Variants in CASZ1 observed in about 807,000 individuals in gnomAD.
CASZ1 encodes zinc finger protein castor homolog 1.
CASZ1 carries 28 observed loss-of-function variants against 135.2 expected under a neutral mutation model. The ratio of observed to expected loss-of-function variants is 0.21; its 90% CI spans 0.15 to 0.28. The LOEUF (loss-of-function observed/expected upper bound fraction) is 0.28. CASZ1 is among the 10% of genes least tolerant of loss of function. The pLI is 1.00. For missense variants in CASZ1, 2,161 were observed against 2,453.3 expected, an observed-to-expected ratio of 0.88 and a Z score of 2.52; for synonymous variants, 1,068 against 1,073.4, an observed-to-expected ratio of 0.99 and a Z score of 0.10.
Position 10,794,862 on chromosome 1 carries a change from G to C in CASZ1, c.-234+1702C>G, listed in dbSNP as rs1337346928. ...GCCGGGGACAGACATTCGCCCAAACGCTCCGCAGCGGCCCAGCAACCGCCC... is the reference window on the plus strand; with the variant it reads ...GCCGGGGACAGACATTCGCCCAAACCCTCCGCAGCGGCCCAGCAACCGCCC... On this transcript the variant is annotated intron_variant, in intron 1 of 20. Coordinates refer to ENST00000377022, the MANE Select transcript of CASZ1 (RefSeq NM_001079843.3). This position sits in a 1 kb window ranked among gnomAD's most constrained non-coding sequence, Gnocchi z 5.6. Among the ~76,000 whole-genome samples the C allele has an allele frequency of 1.3e-5, 2 of 151,462 alleles. No homozygotes were observed. The highest frequency in any genetic ancestry group is 3.9e-4 in the East Asian group (2 of 5,166).
intron 4 of CASZ1, among the ~76,000 whole-genome samples, chr1:10,680,600 C>A (rs1225096334): frequency 6.6e-6 from 1 of 152,168 alleles, no homozygotes; most frequent in Non-Finnish European, 1.5e-5. Flanking sequence ...GGTAGGGCAA[C>A]TTTGGGCTGG....
At chr1:10,730,524 C>T (rs997776563) in intron 2 of CASZ1, among the ~76,000 whole-genome samples, 3 of 152,186 alleles carry the variant, frequency 2.0e-5, no homozygotes, top group African/African-American at 7.2e-5. Flanking sequence ...AACCAGCTGC[C>T]TGCTCCAGGG....
At chr1:10,670,303 G>A (rs1371479942) in intron 4 of CASZ1, among the ~76,000 whole-genome samples, 1 of 152,228 alleles carries the variant, frequency 6.6e-6, no homozygotes, top group Non-Finnish European at 1.5e-5. Flanking sequence ...AGCAAAGGCC[G>A]CGAGGCTGGT....
intron 2 of CASZ1, among the ~76,000 whole-genome samples, chr1:10,758,619 A>C (rs1640304669): frequency 6.6e-6 from 1 of 152,100 alleles, no homozygotes; most frequent in African/African-American, 2.4e-5. Flanking sequence ...GGCTTGAGCC[A>C]CCGCACCTGG....
Position 10,642,998 on chromosome 1 carries a change from G to T in CASZ1, c.4023C>A (p.Gly1341=). Residue 1341 remains glycine, a splice_region_variant and synonymous_variant, in exon 20 of 21, where the codon GGC becomes GGA. Transcript: ENST00000377022. ...KNFDRVPPSQ[G]PPGLMDAETD... The stretch of plus-strand genomic sequence containing the variant: ...TCTCAGCATCCATCAGGCCTGGGGG[G>T]CCCTGAAAGGACACGGGGGTCCCTG... 1 of 1,612,104 alleles carries T rather than the reference G, an allele frequency of 6.2e-7. No individual in the cohort carries two copies. The highest frequency in any genetic ancestry group is 8.5e-7 in the Non-Finnish European group (1 of 1,179,336).
intron 4 of CASZ1, among the ~76,000 whole-genome samples, chr1:10,682,032 C>T (rs1347709259): frequency 1.3e-5 from 2 of 152,250 alleles, no homozygotes; most frequent in African/African-American, 4.8e-5. Context: ...GTGCGACTCT[C>T]TCCCTCCACC....
Position 10,660,155 on chromosome 1 carries a change from G to A in CASZ1, c.887C>T (p.Ser296Leu). 16 of 1,614,072 alleles carry A rather than the reference G, an allele frequency of 9.9e-6. No homozygotes were observed. The highest frequency in any genetic ancestry group is 1.7e-5 in the Admixed American group (1 of 60,034). Residue 296 changes from serine to leucine, a missense_variant, in exon 6 of 21, where the codon TCG becomes TTG. This residue lies in a region of CASZ1 where 590 missense variants were observed against 609.8 expected (regional missense o/e 0.97). Coordinates refer to ENST00000377022, the MANE Select transcript of CASZ1 (RefSeq NM_001079843.3). ...GTTCTGCATCTGGACACTGCTGTGC[G>A]ACGGCAGGGGCAGGATGGTGGCCTT... is the stretch of plus-strand genomic sequence containing the variant. The part of the protein sequence containing the change: ...ETKATILPLP[S>L]HSSVQMQNLV...
chr1:10,783,456 A>T (rs1352778669), intron 1 of CASZ1, among the ~76,000 whole-genome samples: 2 of 151,664 alleles, frequency 1.3e-5, no homozygotes, highest in Non-Finnish European at 2.9e-5. Flanking sequence ...GAAGGAAAGG[A>T]TGTGAGGGGG....
rs1006743400 is a variant in CASZ1 at position 10,699,737 on chromosome 1, A to G, written c.-24+5755T>C. Among the ~76,000 whole-genome samples, 5 of 152,174 alleles carry G rather than the reference A, an allele frequency of 3.3e-5. No individual in the cohort carries two copies. The highest frequency in any genetic ancestry group is 9.6e-5 in the African/African-American group (4 of 41,452). On this transcript the variant is annotated intron_variant, in intron 3 of 20. Coordinates refer to ENST00000377022, the MANE Select transcript of CASZ1 (RefSeq NM_001079843.3). This position sits in a 1 kb window ranked among gnomAD's most constrained non-coding sequence, Gnocchi z 4.6. ...GAGAAGGAGGAAAAAACCCCAAACC[A>G]AAATCCAACAGACTGATTCTCTTGT...
intron 2 of CASZ1, among the ~76,000 whole-genome samples, chr1:10,748,835 G>T (rs757215910): frequency 6.6e-6 from 1 of 152,228 alleles, no homozygotes; most frequent in Admixed American, 6.5e-5. Flanking sequence ...CAAGGCCCAC[G>T]TGGCCAGAGC....
chr1:10,648,486 T>G, intron 15 of CASZ1: 2 of 258,612 alleles, frequency 7.7e-6, no homozygotes, highest in Non-Finnish European at 7.4e-6. Context: ...ATTCTCAGTA[T>G]TCACAGCAGG....
intron 4 of CASZ1, among the ~76,000 whole-genome samples, chr1:10,677,607 G>A (rs533008228): frequency 5.6e-4 from 85 of 152,332 alleles, no homozygotes; most frequent in Non-Finnish European, 1.0e-3. Context: ...TTTAGACCTG[G>A]AAAGGGACCG....
chr1:10,748,189 C>G (rs1054438317), intron 2 of CASZ1, among the ~76,000 whole-genome samples: 1 of 152,178 alleles, frequency 6.6e-6, no homozygotes, highest in Non-Finnish European at 1.5e-5. Flanking sequence ...AGGTGATTGC[C>G]AGGCCCGGCC....
At chr1:10,672,743 CAA>C (rs1643447460) in intron 4 of CASZ1, among the ~76,000 whole-genome samples, 2 of 152,152 alleles carry the variant, frequency 1.3e-5, no homozygotes, top group South Asian at 4.1e-4. Flanking sequence ...GCTGGGGAAA[CAA>C]ATCAATGAAA....
chr1:10,640,216 G>A, intron 20 of CASZ1, 157 bp from the exon 21 acceptor site: 3 of 1,045,028 alleles, frequency 2.9e-6, no homozygotes, highest in Non-Finnish European at 4.1e-6. Flanking sequence ...CTCCTGCCCC[G>A]CCCCCTCCCT....
rs1640544264 is a variant in CASZ1, at chr1:10,769,819, A to T, written c.-233-8962T>A. ...GGAGTGAGCCGCCACACCTGGCCAG[A>T]AGTAATATTTAAGGGTGCTATGTGC... On this transcript the variant is annotated intron_variant, in intron 1 of 20. Coordinates refer to ENST00000377022, the MANE Select transcript of CASZ1 (RefSeq NM_001079843.3). Among the ~76,000 whole-genome samples, 2 of 152,120 alleles carry T rather than the reference A, an allele frequency of 1.3e-5. 1 individual carries two copies. Among genetic ancestry groups the T allele is most frequent in the Non-Finnish European group, 2.9e-5 (2 of 68,022 alleles).
chr1:10,647,557 T>G lies in CASZ1; in HGVS notation c.3497+244A>C. ...GCCCTGGCAGGATCACCACATGCCC[T>G]GCAGGAGCAGTAGCCACTGCCGCCA... is the stretch of plus-strand genomic sequence containing the variant. On this transcript the variant is annotated intron_variant, in intron 16 of 20. Transcript: ENST00000377022. This position sits in a 1 kb window ranked among gnomAD's most constrained non-coding sequence, Gnocchi z 4.9. 1 of 1,397,524 alleles carries G rather than the reference T, an allele frequency of 7.2e-7. No individual in the cohort carries two copies. Among genetic ancestry groups the G allele is most frequent in the Non-Finnish European group, 9.3e-7 (1 of 1,075,536 alleles). 86.6% of individuals were successfully genotyped at this position (1,397,524 alleles called of 1,614,324 possible).
intron 2 of CASZ1, among the ~76,000 whole-genome samples, chr1:10,748,439 G>C (rs1640088938): frequency 6.6e-6 from 1 of 152,238 alleles, no homozygotes; most frequent in South Asian, 2.1e-4. Context: ...CAGGTCCCAG[G>C]TCCGGTCACA....
chr1:10,724,796 G>C lies in CASZ1; in HGVS notation c.-76-19252C>G, dbSNP rs139446329. 2.0e-4 allele frequency among the ~76,000 whole-genome samples: 30 copies of C among 152,216 alleles called. No individual in the cohort carries two copies. The highest frequency in any genetic ancestry group is 4.0e-4 in the Non-Finnish European group (27 of 68,026). ...GAAGAGGAGGCAGAGGAAGGCAGGT[G>C]GGGGGCTGGCTGGGAGCCTCGGAGG... On this transcript the variant is annotated intron_variant, in intron 2 of 20. Transcript: ENST00000377022. This position sits in a 1 kb window ranked among gnomAD's most constrained non-coding sequence, Gnocchi z 4.1.
Sources: gnomAD v4.1 joint callset for allele counts (sites outside exome capture counted in the v4.1 genomes callset) on GRCh38, gnomAD v4.1.1 for gene constraint, gnomAD v4.1.1 regional missense constraint, Gnocchi (gnomAD v3.1) non-coding constraint, MANE v1.5 for transcripts, NCBI Gene and HGNC (gene_info 2026-07-23, HGNC 2026-07-21) for gene names.